The following DSCAM variants were observed in gnomAD, a reference collection of about 807,000 sequenced individuals.
DSCAM encodes DS cell adhesion molecule, also known as cell adhesion molecule DSCAM.
DSCAM carries 47 observed loss-of-function variants against 217.7 expected under a neutral mutation model. The ratio of observed to expected loss-of-function variants is 0.22; its 90% CI spans 0.17 to 0.28. The LOEUF is 0.28. DSCAM is among the 10% of genes least tolerant of loss of function. The pLI is 1.00. For missense variants in DSCAM, 2,080 were observed against 2,618.3 expected (o/e 0.79, Z 4.49); for synonymous variants, 1,056 against 1,015.3 (o/e 1.04, Z -0.76).
intron 3 of DSCAM, among the ~76,000 whole-genome samples, chr21:40,421,118 T>C (rs754312448): frequency 6.6e-6 from 1 of 152,196 alleles, no homozygotes; most frequent in Non-Finnish European, 1.5e-5. Context: ...TGACAATTGT[T>C]TCAGCCATGA....
At chr21:40,590,487 G>C (rs1167814356) in intron 3 of DSCAM, among the ~76,000 whole-genome samples, 4 of 152,212 alleles carry the variant, frequency 2.6e-5, no homozygotes, top group Non-Finnish European at 5.9e-5. Flanking sequence ...GATTCCTCAT[G>C]TAAAATGTGG....
intron 3 of DSCAM, among the ~76,000 whole-genome samples, chr21:40,476,935 C>T (rs1226032515): frequency 1.3e-5 from 2 of 152,018 alleles, no homozygotes; most frequent in Non-Finnish European, 2.9e-5. Context: ...CATAATTTTG[C>T]AAGCCAAGAC....
chr21:40,110,306 G>C (rs1311491997), intron 20 of DSCAM, among the ~76,000 whole-genome samples: 1 of 152,112 alleles, frequency 6.6e-6, no homozygotes, highest in Non-Finnish European at 1.5e-5. Flanking sequence ...AGGCAAACAG[G>C]GTCTGGAGAG....
rs570883920 is a variant in DSCAM, at chr21:40,675,466, C to A, written c.508+17344G>T. ...ATGTAGAGTCCCTCCTATAGAATCC[C>A]CACGCCAATAACTTCGTTTCTGTAA... On this transcript the variant is annotated intron_variant, in intron 3 of 32. Coordinates refer to ENST00000400454, the MANE Select transcript of DSCAM (RefSeq NM_001389.5). 3.3e-5 allele frequency among the ~76,000 whole-genome samples: 5 copies of A among 152,290 alleles called. No individual in the cohort carries two copies. The South Asian group carries it at 1.0e-3, about 32-fold the overall frequency.
intron 3 of DSCAM, among the ~76,000 whole-genome samples, chr21:40,632,523 G>A (rs1199326255): frequency 1.3e-5 from 2 of 152,100 alleles, no homozygotes; most frequent in African/African-American, 2.4e-5. Flanking sequence ...TAAAGGACAC[G>A]ACAGTTCCTG....
intron 3 of DSCAM, among the ~76,000 whole-genome samples, chr21:40,403,256 C>T: frequency 6.6e-6 from 1 of 151,160 alleles, no homozygotes; most frequent in East Asian, 2.0e-4. Context: ...GGAGAATGTA[C>T]ATTTTAAAAG....
rs756437746 is a variant in DSCAM, at chr21:40,051,965, C to T, written c.5178G>A (p.Pro1726=). The T allele has an allele frequency of 1.7e-5, 28 of 1,612,210 alleles. No homozygotes were observed. The highest frequency in any genetic ancestry group is 5.0e-5 in the Admixed American group (3 of 59,548). Reference sequence around the variant, plus strand: ...GCATTGTTGACCACTCACTCGTTCCCGGCCGAGCGTCTGAAACATCCACTA... The same window carrying T: ...GCATTGTTGACCACTCACTCGTTCCTGGCCGAGCGTCTGAAACATCCACTA... ...GPLVDVSDAR[P]GTNPTTRRNA... The change falls in exon 30 of 33, where the codon CCG becomes CCA. Residue 1726 remains proline, a synonymous_variant. Coordinates refer to ENST00000400454, the MANE Select transcript of DSCAM (RefSeq NM_001389.5).
chr21:40,349,900 A>G (rs1252924265), intron 5 of DSCAM, among the ~76,000 whole-genome samples: 1 of 152,050 alleles, frequency 6.6e-6, no homozygotes, highest in East Asian at 1.9e-4. Context: ...ATACAGAGAA[A>G]CAAAGATCTG....
intron 3 of DSCAM, among the ~76,000 whole-genome samples, chr21:40,509,347 T>C (rs751990500): frequency 2.0e-5 from 3 of 152,222 alleles, no homozygotes; most frequent in African/African-American, 4.8e-5. Context: ...TACTCGTATA[T>C]TGATTAGCAA....
intron 3 of DSCAM, among the ~76,000 whole-genome samples, chr21:40,672,278 T>C (rs1053066317): frequency 2.0e-5 from 3 of 152,124 alleles, no homozygotes; most frequent in African/African-American, 7.2e-5. Context: ...TGGTCTTTAG[T>C]TTAGCTTAAG....
intron 3 of DSCAM, among the ~76,000 whole-genome samples, chr21:40,595,955 T>C (rs1310221933): frequency 6.6e-6 from 1 of 152,232 alleles, no homozygotes; most frequent in Non-Finnish European, 1.5e-5. Flanking sequence ...GTGGCCTCTG[T>C]GCTCTGTGTG....
intron 1 of DSCAM, among the ~76,000 whole-genome samples, chr21:40,748,580 C>T (rs553741655): frequency 2.6e-5 from 4 of 151,864 alleles, no homozygotes; most frequent in Admixed American, 6.6e-5. Flanking sequence ...TGAAAGAAAT[C>T]GAAGAGGACA....
intron 3 of DSCAM, among the ~76,000 whole-genome samples, chr21:40,491,933 A>G (rs2076079229): frequency 6.6e-6 from 1 of 152,138 alleles, no homozygotes; most frequent in Non-Finnish European, 1.5e-5. Context: ...CACATGCTAC[A>G]CATAACATTT....
intron 2 of DSCAM, among the ~76,000 whole-genome samples, chr21:40,695,082 A>G (rs1347159377): frequency 6.6e-6 from 1 of 152,146 alleles, no homozygotes; most frequent in Non-Finnish European, 1.5e-5. Context: ...TTTGCAATAA[A>G]ATCACTCTGT....
At chr21:40,135,127 G>A (rs2090193778) in intron 18 of DSCAM, among the ~76,000 whole-genome samples, 1 of 152,190 alleles carries the variant, frequency 6.6e-6, no homozygotes, top group Non-Finnish European at 1.5e-5. Context: ...CATGAGAAGG[G>A]CCTGAGAACT....
At chr21:40,090,076 C>T (rs1256277310) in intron 21 of DSCAM, among the ~76,000 whole-genome samples, 5 of 152,132 alleles carry the variant, frequency 3.3e-5, no homozygotes, top group African/African-American at 1.2e-4. Flanking sequence ...TTGCCTAATG[C>T]TTCAGAGACA....
chr21:40,027,181 C>A, intron 32 of DSCAM, among the ~76,000 whole-genome samples: 1 of 152,240 alleles, frequency 6.6e-6, no homozygotes, highest in Non-Finnish European at 1.5e-5. Context: ...AAATTCTTTT[C>A]TTTAAGAATG....
chr21:40,776,649 C>G (rs775594354), intron 1 of DSCAM, among the ~76,000 whole-genome samples: 1 of 152,016 alleles, frequency 6.6e-6, no homozygotes, highest in Non-Finnish European at 1.5e-5. Flanking sequence ...GCACAGAAAG[C>G]CAGATGGAGC....
At chr21:40,682,778 GGGGAGGGGAGGGGAGGGAAGGGA>G (rs1568982195) in intron 3 of DSCAM, among the ~76,000 whole-genome samples, 298 of 11,464 alleles carry the variant, frequency 0.026, 94 homozygotes, top group Middle Eastern at 0.042. Flanking sequence ...GGGAAGGAGA[GGGGAGGGGAGGGGAGGGAAGGGA>G]AGGGAAGGGA....
Sources: allele counts gnomAD v4.1 joint callset (sites outside exome capture counted in the v4.1 genomes callset), GRCh38; gene constraint gnomAD v4.1.1; transcripts MANE v1.5; gene names NCBI Gene and HGNC (gene_info 2026-07-23, HGNC 2026-07-21).